The following DAGLA variants were observed in gnomAD, a reference collection of about 807,000 sequenced individuals.
The protein encoded by DAGLA is diacylglycerol lipase-alpha.
Under a neutral mutation model 102.6 loss-of-function variants are expected in DAGLA, and 22 were observed. The observed-to-expected ratio is 0.21, with a 90% CI of 0.15 to 0.31. The LOEUF (loss-of-function observed/expected upper bound fraction) is 0.31. Ranked by LOEUF, DAGLA falls within the 10% of genes least tolerant of loss-of-function variation. The pLI is 1.00. For missense variants in DAGLA, 927 were observed against 1,446.6 expected (o/e 0.64, Z 5.83); for synonymous variants, 578 against 628.9 (o/e 0.92, Z 1.21).
intron 1 of DAGLA, among the ~76,000 whole-genome samples, chr11:61,716,551 G>A (rs1039119406): frequency 6.6e-6 from 1 of 151,876 alleles, no homozygotes; most frequent in Non-Finnish European, 1.5e-5. Context: ...CAGAGGATTT[G>A]TCAGCTGAGG....
In DAGLA at chr11:61,720,698, G is replaced by A. The variant is rs1431197886; in HGVS notation, c.115G>A (p.Val39Met). The change falls in exon 3 of 20, where the codon GTG becomes ATG. Residue 39 changes from valine (V) to methionine (M), a missense_variant. This residue lies in a region of DAGLA where 231 missense variants were observed against 439.8 expected (regional missense o/e 0.53). Coordinates refer to ENST00000257215, the MANE Select transcript of DAGLA (RefSeq NM_006133.3). ...HTTWFVILSV[V>M]LFGLVYNPHE... ...TGACAGGTTTGTGATCCTGTCCGTGGTGCTCTTCGGCCTGGTCTATAACCC... is the reference window on the plus strand; with the variant it reads ...TGACAGGTTTGTGATCCTGTCCGTGATGCTCTTCGGCCTGGTCTATAACCC... The A allele has an allele frequency of 6.2e-7, 1 of 1,613,834 alleles. No individual in the cohort carries two copies. Among genetic ancestry groups the A allele is most frequent in the Admixed American group, 1.7e-5 (1 of 60,020 alleles).
chr11:61,703,493 G>T (rs144671310), intron 1 of DAGLA, among the ~76,000 whole-genome samples: 17 of 152,348 alleles, frequency 1.1e-4, no homozygotes, highest in African/African-American at 3.8e-4. Context: ...GAGGACAAAG[G>T]CGTTCGGCAC....
chr11:61,707,184 G>T (rs1257594432), intron 1 of DAGLA, among the ~76,000 whole-genome samples: 1 of 152,272 alleles, frequency 6.6e-6, no homozygotes, highest in African/African-American at 2.4e-5. Flanking sequence ...GCTGTGCCGA[G>T]CATGTGGCCC....
chr11:61,722,357 G>A (rs574142225), intron 3 of DAGLA, among the ~76,000 whole-genome samples: 11 of 152,260 alleles, frequency 7.2e-5, no homozygotes, highest in South Asian at 2.1e-4. Context: ...AGGCCGAGGC[G>A]GGTGGACCAC....
chr11:61,741,951 G>A (rs2065484277), intron 19 of DAGLA, among the ~76,000 whole-genome samples: 1 of 152,038 alleles, frequency 6.6e-6, no homozygotes. Flanking sequence ...GCAAACAGAT[G>A]GACACCCATT....
At chr11:61,705,002 CTCGCCT>C (rs2065137960) in intron 1 of DAGLA, among the ~76,000 whole-genome samples, 1 of 152,140 alleles carries the variant, frequency 6.6e-6, no homozygotes, top group African/African-American at 2.4e-5. Flanking sequence ...CGTGCCCGGG[CTCGCCT>C]GAGCTCGGGA....
chr11:61,707,071 G>A (rs2065156371), intron 1 of DAGLA, among the ~76,000 whole-genome samples: 1 of 152,248 alleles, frequency 6.6e-6, no homozygotes, highest in Non-Finnish European at 1.5e-5. Context: ...GGGGGCCGAG[G>A]GCACCAGCCC....
At chr11:61,687,272 C>G (rs1354508339) in intron 1 of DAGLA, among the ~76,000 whole-genome samples, 2 of 152,082 alleles carry the variant, frequency 1.3e-5, no homozygotes, top group Non-Finnish European at 2.9e-5. Context: ...CCACCTCTCC[C>G]TCAGGTCCCA....
At chr11:61,704,767 G>A (rs951721364) in intron 1 of DAGLA, among the ~76,000 whole-genome samples, 2 of 152,238 alleles carry the variant, frequency 1.3e-5, no homozygotes, top group Non-Finnish European at 2.9e-5. Flanking sequence ...GGCATACAGA[G>A]ACCCTCTTTC....
chr11:61,720,602 G>A lies in DAGLA; in HGVS notation c.96-77G>A, dbSNP rs1193449556. On this transcript the variant is annotated intron_variant, in intron 2 of 19. Coordinates refer to ENST00000257215, the MANE Select transcript of DAGLA (RefSeq NM_006133.3). The stretch of plus-strand genomic sequence containing the variant: ...CCTCCTTCCACTGAATCTGGGCTGG[G>A]GAAGGGCCTGCCTGCTAGTAGCATC... 3.6e-6 allele frequency: 5 copies of A among 1,388,490 alleles called. No individual in the cohort carries two copies. The East Asian group carries it at 9.3e-5, about 26-fold the overall frequency. 86.0% of individuals were successfully genotyped at this position (1,388,490 alleles called of 1,614,324 possible).
rs2065435400 is a variant in DAGLA, at chr11:61,737,626, A to G, written c.1515-61A>G. 10 of 1,501,478 alleles carry G rather than the reference A, an allele frequency of 6.7e-6. No individual in the cohort carries two copies. In the South Asian group the frequency reaches 1.1e-4, roughly 17 times the overall value. The allele number at this position is 1,501,478 out of a possible 1,614,324, so 93.0% of individuals were successfully genotyped here. ...GGCTTGCTTGTGGCTGGGCCCCCCG[A>G]TTCCGGAACACCACCACCCCGCCCC... On this transcript the variant is annotated intron_variant, in intron 14 of 19. Transcript: ENST00000257215.
intron 16 of DAGLA, among the ~76,000 whole-genome samples, chr11:61,738,548 C>G (rs1228580112): frequency 1.3e-5 from 2 of 152,212 alleles, no homozygotes; most frequent in Admixed American, 6.5e-5. Flanking sequence ...GATCTGGAGG[C>G]TTTGAGCGGT....
chr11:61,697,393 C>T (rs1591027576), intron 1 of DAGLA, among the ~76,000 whole-genome samples: 5 of 152,244 alleles, frequency 3.3e-5, no homozygotes, highest in African/African-American at 2.4e-5. Flanking sequence ...CCTCAGTCCT[C>T]GGAAATGCAT....
chr11:61,697,689 T>G (rs1364485784), intron 1 of DAGLA, among the ~76,000 whole-genome samples: 1 of 152,154 alleles, frequency 6.6e-6, no homozygotes, highest in African/African-American at 2.4e-5. Flanking sequence ...TTTATTATTT[T>G]TTTATTTTTT....
chr11:61,687,129 C>T (rs192687207), intron 1 of DAGLA, among the ~76,000 whole-genome samples: 86 of 152,302 alleles, frequency 5.6e-4, no homozygotes, highest in Non-Finnish European at 1.1e-3. Flanking sequence ...ACCCCCTGCA[C>T]GCTCCCATCC....
At chr11:61,699,609 C>T (rs2065093108) in intron 1 of DAGLA, among the ~76,000 whole-genome samples, 1 of 152,258 alleles carries the variant, frequency 6.6e-6, no homozygotes, top group African/African-American at 2.4e-5. Flanking sequence ...AGGCCTAGGT[C>T]CGCCTCACCC....
At chr11:61,737,438 T>C in intron 14 of DAGLA, 114 bp downstream of exon 14, 2 of 1,477,424 alleles carry the variant, frequency 1.4e-6, no homozygotes, top group South Asian at 1.2e-5. Flanking sequence ...CATGGAGGTC[T>C]GGGAGTGGCC....
intron 1 of DAGLA, among the ~76,000 whole-genome samples, chr11:61,718,762 G>A (rs1217076787): frequency 1.3e-5 from 2 of 152,166 alleles, no homozygotes; most frequent in African/African-American, 4.8e-5. Flanking sequence ...AGGCTAGCCC[G>A]CCAGCCCGCC....
intron 9 of DAGLA, among the ~76,000 whole-genome samples, chr11:61,732,051 G>A (rs573721988): frequency 2.4e-4 from 36 of 152,208 alleles, no homozygotes; most frequent in Non-Finnish European, 4.3e-4. Flanking sequence ...TCAGCCCACC[G>A]CTTGGGGGCT....
Sources: gnomAD v4.1 joint callset for allele counts (sites outside exome capture counted in the v4.1 genomes callset) on GRCh38, gnomAD v4.1.1 for gene constraint, gnomAD v4.1.1 regional missense constraint, MANE v1.5 for transcripts, NCBI Gene and HGNC (gene_info 2026-07-23, HGNC 2026-07-21) for gene names.